TRERF1: variants seen among roughly 807,000 people sequenced by gnomAD.
TRERF1 encodes transcriptional-regulating factor 1.
In TRERF1, 27 loss-of-function variants were observed where a neutral mutation model predicts 122.9. That is an observed-to-expected ratio of 0.22 (90% CI 0.16 to 0.30). The LOEUF is 0.30. Ranked by LOEUF, TRERF1 falls within the 10% of genes least tolerant of loss-of-function variation. TRERF1 has a pLI of 1.00. For synonymous variants in TRERF1, 636 were observed against 641.7 expected (o/e 0.99, Z 0.13); for missense variants, 1,248 against 1,560.3 (o/e 0.80, Z 3.37).
chr6:42,237,600 C>G (rs1365873213), intron 15 of TRERF1, among the ~76,000 whole-genome samples: 1 of 152,232 alleles, frequency 6.6e-6, no homozygotes, highest in East Asian at 1.9e-4. Context: ...CTCTGCATAA[C>G]TCATCACTTA....
At chr6:42,366,661 G>C (rs540054672) in intron 2 of TRERF1, among the ~76,000 whole-genome samples, 1 of 152,336 alleles carries the variant, frequency 6.6e-6, no homozygotes, top group Non-Finnish European at 1.5e-5. Context: ...GCTGTGTGGA[G>C]AAGCTCATGG....
chr6:42,309,363 G>C (rs1398701441), intron 3 of TRERF1, among the ~76,000 whole-genome samples: 1 of 152,164 alleles, frequency 6.6e-6, no homozygotes, highest in Non-Finnish European at 1.5e-5. Flanking sequence ...GCGAAGTAAA[G>C]GGCACAGAGC....
rs943207247 is a variant in TRERF1 at position 42,435,237 on chromosome 6, A to G, written c.-454+15940T>C. ...TAAAATACACAAGACTTCAAAAGGC[A>G]TAAGGGAGGTAAAAAAGGCCTAAGT... On this transcript the variant is annotated intron_variant, in intron 2 of 17. Coordinates refer to ENST00000372922, the Ensembl canonical transcript of TRERF1. Among the ~76,000 whole-genome samples the G allele has an allele frequency of 5.3e-5, 8 of 152,232 alleles. No individual in the cohort carries two copies. The East Asian group carries it at 1.3e-3, about 26-fold the overall frequency.
chr6:42,272,264 G>T (rs1385349194), intron 4 of TRERF1, among the ~76,000 whole-genome samples: 2 of 152,186 alleles, frequency 1.3e-5, no homozygotes. Flanking sequence ...GAGTTGGTCT[G>T]TCCCTTTCTG....
intron 3 of TRERF1, among the ~76,000 whole-genome samples, chr6:42,350,439 A>T (rs1035186558): frequency 6.6e-6 from 1 of 152,152 alleles, no homozygotes; most frequent in African/African-American, 2.4e-5. Context: ...AGGCCCCGCT[A>T]TTACTCACTT....
At chr6:42,353,549 T>C (rs1486480078) in intron 3 of TRERF1, among the ~76,000 whole-genome samples, 1 of 151,900 alleles carries the variant, frequency 6.6e-6, no homozygotes, top group African/African-American at 2.4e-5. Context: ...TATCGCGCCA[T>C]TGCACTCTAG....
intron 2 of TRERF1, among the ~76,000 whole-genome samples, chr6:42,390,151 G>A (rs1227608634): frequency 2.6e-5 from 4 of 152,204 alleles, no homozygotes; most frequent in South Asian, 2.1e-4. Flanking sequence ...CTTTCCCCAC[G>A]TCTTCGAGTA....
In TRERF1 at chr6:42,313,573, A is replaced by T. The variant is rs1461293791; in HGVS notation, c.-370-12824T>A. 2.0e-5 allele frequency among the ~76,000 whole-genome samples: 3 copies of T among 152,080 alleles called. No homozygotes were observed. In the East Asian group the frequency reaches 5.8e-4, roughly 29 times the overall value. ...CCCAGTAACGCTTACCGGGATGCAA[A>T]CGTGCTCAAGTTGTGCACTCTCCTG... On this transcript the variant is annotated intron_variant, in intron 3 of 17. Transcript: ENST00000372922.
At chr6:42,237,467 A>G (rs1418887923) in intron 15 of TRERF1, among the ~76,000 whole-genome samples, 1 of 152,232 alleles carries the variant, frequency 6.6e-6, no homozygotes, top group East Asian at 1.9e-4. Context: ...CAGTTTACAA[A>G]GTGCTTTCAC....
intron 2 of TRERF1, among the ~76,000 whole-genome samples, chr6:42,369,539 C>G (rs1262613148): frequency 1.3e-5 from 2 of 152,116 alleles, no homozygotes; most frequent in South Asian, 2.1e-4. Flanking sequence ...TCTGCACCCC[C>G]ACCCAGTCCG....
At chr6:42,443,682 C>T (rs915414480) in intron 2 of TRERF1, among the ~76,000 whole-genome samples, 4 of 152,182 alleles carry the variant, frequency 2.6e-5, no homozygotes, top group Non-Finnish European at 5.9e-5. Context: ...TTGACTGGCA[C>T]TGCCCAGCCA....
In TRERF1 at chr6:42,436,814, A is replaced by AAAAATAT. The variant is rs61427173; in HGVS notation, c.-454+14362_-454+14363insATATTTT. Reference sequence around the variant, plus strand: ...ATCTCCCTCTACAAAAAAAAAAAAAAATATATATATATATATATATATATA... The same window carrying AAAAATAT: ...ATCTCCCTCTACAAAAAAAAAAAAAAAAAATATATATATATATATATATATATATATA... On this transcript the variant is annotated intron_variant, in intron 2 of 17. Transcript: ENST00000372922. Among the ~76,000 whole-genome samples, 184 of 66,670 alleles carry AAAAATAT rather than the reference A, an allele frequency of 2.8e-3. 2 individuals carry two copies. The highest frequency in any genetic ancestry group is 4.7e-3 in the African/African-American group (89 of 18,934). 43.7% of individuals were successfully genotyped at this position (66,670 alleles called of 152,430 possible).
chr6:42,271,602 C>A (rs910967840), intron 4 of TRERF1, among the ~76,000 whole-genome samples: 4 of 151,938 alleles, frequency 2.6e-5, no homozygotes, highest in Admixed American at 6.6e-5. Flanking sequence ...GTCACCCCCC[C>A]CAAAAAAAGT....
At chr6:42,340,764 C>G (rs377533843) in intron 3 of TRERF1, among the ~76,000 whole-genome samples, 1 of 152,096 alleles carries the variant, frequency 6.6e-6, no homozygotes, top group Non-Finnish European at 1.5e-5. Context: ...CCGCACCCAG[C>G]GGCAAAAAAG....
chr6:42,265,731 C>G lies in TRERF1; in HGVS notation c.1484+20G>C. On this transcript the variant is annotated intron_variant, in intron 6 of 17. Transcript: ENST00000372922. ...TCCTCCCCGTCTCCCAAAATACCAA[C>G]AAGGTTCCACTCATCCTACCTTGAC... The G allele has an allele frequency of 1.2e-6, 2 of 1,611,582 alleles. No individual in the cohort carries two copies. Among genetic ancestry groups the G allele is most frequent in the Non-Finnish European group, 1.7e-6 (2 of 1,178,730 alleles).
At chr6:42,408,626 C>A (rs1025099708) in intron 2 of TRERF1, among the ~76,000 whole-genome samples, 9 of 152,000 alleles carry the variant, frequency 5.9e-5, no homozygotes, top group Admixed American at 6.6e-5. Context: ...GATCCACCCA[C>A]CTTGGCCTCT....
At chr6:42,431,657 A>T (rs1784519502) in intron 2 of TRERF1, among the ~76,000 whole-genome samples, 1 of 152,214 alleles carries the variant, frequency 6.6e-6, no homozygotes, top group South Asian at 2.1e-4. Flanking sequence ...GCAGTGGCCC[A>T]GCCAACACTA....
At chr6:42,403,657 G>A (rs1375219499) in intron 2 of TRERF1, among the ~76,000 whole-genome samples, 1 of 152,208 alleles carries the variant, frequency 6.6e-6, no homozygotes, top group Non-Finnish European at 1.5e-5. Flanking sequence ...AGCAGCCCTA[G>A]AAAGCTAAGA....
rs564162326 is a variant in TRERF1 at position 42,303,405 on chromosome 6, A to G, written c.-370-2656T>C. Among the ~76,000 whole-genome samples, 8 of 152,354 alleles carry G rather than the reference A, an allele frequency of 5.3e-5. No homozygotes were observed. In the South Asian group the frequency reaches 1.7e-3, roughly 32 times the overall value. On this transcript the variant is annotated intron_variant, in intron 3 of 17. Coordinates refer to ENST00000372922, the Ensembl canonical transcript of TRERF1. ...GGAATTAGTCTTTAATATGAGCCCT[A>G]AGAATAAATTACTGAAGCAAAGTAG... is the stretch of plus-strand genomic sequence containing the variant.
Sources: gnomAD v4.1 joint callset for allele counts (sites outside exome capture counted in the v4.1 genomes callset) on GRCh38, gnomAD v4.1.1 for gene constraint, MANE v1.5 for transcripts, NCBI Gene and HGNC (gene_info 2026-07-23, HGNC 2026-07-21) for gene names.